FGF1: variants seen among roughly 807,000 people sequenced by gnomAD.
FGF1 encodes the protein beta-endothelial cell growth factor.
FGF1 carries 9 observed loss-of-function variants against 13.4 expected under a neutral mutation model. The observed-to-expected ratio is 0.67, with a 90% CI of 0.40 to 1.17. The LOEUF is 1.17. Among genes scored for constraint, FGF1 ranks in the 50% most tolerant of loss-of-function variants. FGF1 has a pLI of 0.01. For missense variants in FGF1, 156 were observed against 192.7 expected (o/e 0.81, Z 1.13); for synonymous variants, 93 against 79.0 (o/e 1.18, Z -0.94).
chr5:142,646,348 C>T (rs974870306), intron 1 of FGF1, among the ~76,000 whole-genome samples: 4 of 151,436 alleles, frequency 2.6e-5, no homozygotes, highest in Non-Finnish European at 5.9e-5. Context: ...TGCCTGCCAC[C>T]GTGCCCAGCT....
At chr5:142,624,787 A>C (rs1466592279) in intron 1 of FGF1, among the ~76,000 whole-genome samples, 1 of 152,202 alleles carries the variant, frequency 6.6e-6, no homozygotes, top group Non-Finnish European at 1.5e-5. Flanking sequence ...AAAAAGAAAG[A>C]CCTGAGATCC....
At chr5:142,636,895 G>A (rs557181032) in intron 1 of FGF1, among the ~76,000 whole-genome samples, 2 of 152,110 alleles carry the variant, frequency 1.3e-5, no homozygotes, top group Admixed American at 1.3e-4. Context: ...CCTGTCTGAA[G>A]AACTGTGGGA....
At chr5:142,694,648 G>A (rs1752816286) in intron 2 of FGF1, among the ~76,000 whole-genome samples, 2 of 152,162 alleles carry the variant, frequency 1.3e-5, no homozygotes, top group Admixed American at 6.5e-5. Context: ...CACCCTGGTG[G>A]CGGGTAGGAG....
intron 2 of FGF1, among the ~76,000 whole-genome samples, chr5:142,610,777 T>G (rs1298556324): frequency 6.6e-6 from 1 of 152,188 alleles, no homozygotes; most frequent in Non-Finnish European, 1.5e-5. Context: ...AGTCCACCAG[T>G]AGAGACATTT....
At chr5:142,608,542 CT>C (rs1758240262) in intron 2 of FGF1, among the ~76,000 whole-genome samples, 31 of 76,030 alleles carry the variant, frequency 4.1e-4, no homozygotes, top group African/African-American at 1.2e-3. Flanking sequence ...ATATACACAT[CT>C]ATATATATAT....
At chr5:142,689,784 C>T (rs1177994897), upstream of FGF1, among the ~76,000 whole-genome samples, 1 of 149,974 alleles carries the variant, frequency 6.7e-6, no homozygotes, top group Non-Finnish European at 1.5e-5. Flanking sequence ...ATGGAAGCTC[C>T]GCCTCCCGAG....
upstream of FGF1, among the ~76,000 whole-genome samples, chr5:142,687,169 G>C (rs1751388711): frequency 6.6e-6 from 1 of 152,078 alleles, no homozygotes; most frequent in Non-Finnish European, 1.5e-5. Flanking sequence ...ACACAAGCCT[G>C]CTCACCTGAT....
Position 142,646,208 on chromosome 5 carries a change from C to CTTTTTTTT in FGF1, c.-34-32055_-34-32048dup, listed in dbSNP as rs762008952. Among the ~76,000 whole-genome samples the CTTTTTTTT allele has an allele frequency of 5.8e-4, 32 of 54,944 alleles. 4 individuals carry two copies. The highest frequency in any genetic ancestry group is 1.3e-3 in the African/African-American group (18 of 13,908). 36.0% of individuals were successfully genotyped at this position (54,944 alleles called of 152,430 possible). A position where few individuals can be genotyped will look rare whatever the true frequency, so the allele number is the denominator to read the frequency against. On this transcript the variant is annotated intron_variant, in intron 1 of 3. Transcript: ENST00000337706. ...ACAGGCGTGAGCCACCGCACCTGGC[C>CTTTTTTTT]TTTTTTTTTTTTTTTTTTTTTTTTT...
Position 142,641,253 on chromosome 5 carries a change from T to C in FGF1, c.-34-27092A>G, listed in dbSNP as rs17223395. The stretch of plus-strand genomic sequence containing the variant: ...TTGGTCTTAGTGGTTAAAAAGCCAT[T>C]GAGAATTATTTTGCGTGCTTCCTCC... On this transcript the variant is annotated intron_variant, in intron 1 of 3. Coordinates refer to ENST00000337706, the MANE Select transcript of FGF1 (RefSeq NM_000800.5). Among the ~76,000 whole-genome samples the C allele has an allele frequency of 5.4e-3, 819 of 152,118 alleles. 22 individuals carry two copies. Among genetic ancestry groups the C allele is most frequent in the African/African-American group, 0.018 (759 of 41,366 alleles).
At chr5:142,684,869 C>T (rs140676940) in intron 1 of FGF1, among the ~76,000 whole-genome samples, 2 of 151,582 alleles carry the variant, frequency 1.3e-5, no homozygotes, top group African/African-American at 4.8e-5. Context: ...GGAGCTAACT[C>T]GTAAACAATC....
chr5:142,602,237 C>T (rs1333801046), intron 2 of FGF1, among the ~76,000 whole-genome samples: 2 of 151,384 alleles, frequency 1.3e-5, no homozygotes, highest in East Asian at 1.9e-4. Flanking sequence ...AGTGCAGTGG[C>T]GCGATCTCGG....
intron 1 of FGF1, chr5:142,644,224 G>C (rs904999669): frequency 6.6e-6 from 1 of 152,266 alleles, no homozygotes; most frequent in African/African-American, 2.4e-5. Context: ...CCACTGCCTG[G>C]TTGCCTCACT....
At chr5:142,661,352 T>C (rs1769185964) in intron 1 of FGF1, among the ~76,000 whole-genome samples, 1 of 152,188 alleles carries the variant, frequency 6.6e-6, no homozygotes, top group Non-Finnish European at 1.5e-5. Context: ...CAAGTGTTGG[T>C]GAGGATATGG....
chr5:142,695,597 A>AG (rs1256885110), intron 2 of FGF1, among the ~76,000 whole-genome samples: 1 of 151,708 alleles, frequency 6.6e-6, no homozygotes, highest in African/African-American at 2.4e-5. Flanking sequence ...GAAAAAAAAA[A>AG]AAAGAAAGAA....
intron 1 of FGF1, among the ~76,000 whole-genome samples, chr5:142,672,252 T>A (rs1771608500): frequency 6.6e-6 from 1 of 152,180 alleles, no homozygotes; most frequent in Admixed American, 6.5e-5. Context: ...ATCTTAAAAT[T>A]CCTGAAATTT....
chr5:142,646,109 G>T (rs917422075), intron 1 of FGF1, among the ~76,000 whole-genome samples: 41 of 150,576 alleles, frequency 2.7e-4, no homozygotes, highest in African/African-American at 9.5e-4. Flanking sequence ...TGGGGTTTCA[G>T]TGTGTTAGCC....
At chr5:142,597,008 C>T (rs1755420025) in intron 3 of FGF1, among the ~76,000 whole-genome samples, 1 of 152,122 alleles carries the variant, frequency 6.6e-6, no homozygotes, top group African/African-American at 2.4e-5. Flanking sequence ...ACATTCAATA[C>T]TGCTAACGAG....
At chr5:142,642,737 G>A (rs541464609) in intron 1 of FGF1, among the ~76,000 whole-genome samples, 2 of 152,252 alleles carry the variant, frequency 1.3e-5, no homozygotes, top group African/African-American at 2.4e-5. Context: ...GAGCCAAAGA[G>A]CTGTGTGTGT....
Position 142,593,483 on chromosome 5 carries a change from C to T in FGF1, c.*1807G>A, listed in dbSNP as rs2151799704. The T allele has an allele frequency of 6.6e-6, 1 of 152,290 alleles. No homozygotes were observed. The highest frequency in any genetic ancestry group is 3.4e-3 in the Middle Eastern group (1 of 294). 9.4% of individuals were successfully genotyped at this position (152,290 alleles called of 1,614,324 possible). On this transcript the variant is annotated 3_prime_UTR_variant, in exon 4 of 4. Coordinates refer to ENST00000337706, the MANE Select transcript of FGF1 (RefSeq NM_000800.5). Reference sequence around the variant, plus strand: ...CACAAACTGTCATTTTCCTTCCATTCTAAATATGACAGTTCAGTTACTAAG... The same window carrying T: ...CACAAACTGTCATTTTCCTTCCATTTTAAATATGACAGTTCAGTTACTAAG...
Sources: allele counts gnomAD v4.1 joint callset (sites outside exome capture counted in the v4.1 genomes callset), GRCh38; gene constraint gnomAD v4.1.1; transcripts MANE v1.5; gene names NCBI Gene and HGNC (gene_info 2026-07-23, HGNC 2026-07-21).